Variants in SLCO2A1 observed in about 807,000 individuals in gnomAD.
SLCO2A1 encodes matrin F/G 1.
Under a neutral mutation model 71.7 loss-of-function variants are expected in SLCO2A1, and 60 were observed. That is an observed-to-expected ratio of 0.84 (90% CI 0.68 to 1.04). The LOEUF (loss-of-function observed/expected upper bound fraction) is 1.04. SLCO2A1 is among the 50% of genes least tolerant of loss of function. SLCO2A1 has a pLI of 0.00. For missense variants in SLCO2A1, 745 were observed against 813.4 expected (o/e 0.92, Z 1.02); for synonymous variants, 308 against 326.7 (o/e 0.94, Z 0.62).
rs528151888 is a variant in SLCO2A1 at position 133,998,486 on chromosome 3, C to G, written c.97-18868G>C. Among the ~76,000 whole-genome samples the G allele has an allele frequency of 5.3e-5, 8 of 151,040 alleles. No individual in the cohort carries two copies. The South Asian group carries it at 1.7e-3, about 31-fold the overall frequency. On this transcript the variant is annotated intron_variant, in intron 1 of 13. Coordinates refer to ENST00000310926, the MANE Select transcript of SLCO2A1 (RefSeq NM_005630.3). The stretch of plus-strand genomic sequence containing the variant: ...CATCCTCTTTTCTCATTCCCAGGCG[C>G]TCCTGTCCACACTGGCCTTTTGTCC...
chr3:133,947,685 T>TG (rs1351484582), intron 8 of SLCO2A1, among the ~76,000 whole-genome samples: 2 of 152,222 alleles, frequency 1.3e-5, no homozygotes, highest in African/African-American at 4.8e-5. Flanking sequence ...GTGGGGTTCT[T>TG]GCAGCTTAAG....
rs1933650948 is a variant in SLCO2A1, at chr3:133,948,666, G to A, written c.975C>T (p.Asn325=). The A allele has an allele frequency of 6.2e-7, 1 of 1,614,158 alleles. No individual in the cohort carries two copies. The highest frequency in any genetic ancestry group is 8.5e-7 in the Non-Finnish European group (1 of 1,179,992). Residue 325 remains asparagine, a synonymous_variant, in exon 8 of 14, where the codon AAC becomes AAT. Coordinates refer to ENST00000310926, the MANE Select transcript of SLCO2A1 (RefSeq NM_005630.3). The part of the protein sequence containing the change: ...FPCIFLRLLM[N]SLFVLVVLAQ... ...CCAGGACCACCAGGACGAAGAGTGAGTTCATCAGGAGCCTCAGAAAGATGC... is the reference window on the plus strand; with the variant it reads ...CCAGGACCACCAGGACGAAGAGTGAATTCATCAGGAGCCTCAGAAAGATGC...
At chr3:134,003,649 G>A (rs1935146506) in intron 1 of SLCO2A1, among the ~76,000 whole-genome samples, 1 of 152,164 alleles carries the variant, frequency 6.6e-6, no homozygotes, top group Non-Finnish European at 1.5e-5. Flanking sequence ...TGGAGCCCTT[G>A]GCCTGCTGCT....
rs1029744261 is a variant in SLCO2A1, at chr3:133,987,234, C to T, written c.97-7616G>A. ...TAAAATTTAACCTGAAAGACTGGTTCAGGTCTCGACAGGAAGTGGGGGTCA... is the reference window on the plus strand; with the variant it reads ...TAAAATTTAACCTGAAAGACTGGTTTAGGTCTCGACAGGAAGTGGGGGTCA... On this transcript the variant is annotated intron_variant, in intron 1 of 13. Transcript: ENST00000310926. Among the ~76,000 whole-genome samples, 6 of 145,734 alleles carry T rather than the reference C, an allele frequency of 4.1e-5. No individual in the cohort carries two copies. In the East Asian group the frequency reaches 1.1e-3, roughly 26 times the overall value.
intron 1 of SLCO2A1, among the ~76,000 whole-genome samples, chr3:134,021,812 T>C (rs1248507687): frequency 3.3e-5 from 4 of 120,194 alleles, no homozygotes; most frequent in Admixed American, 2.7e-4. Flanking sequence ...AAACCTATAA[T>C]TGATAATTGA....
rs1933182465 is a variant in SLCO2A1, at chr3:133,933,172, C to T, written c.*1541G>A. 1 of 152,178 alleles carries T rather than the reference C, an allele frequency of 6.6e-6. No homozygotes were observed. Among genetic ancestry groups the T allele is most frequent in the East Asian group, 1.9e-4 (1 of 5,196 alleles). 9.4% of individuals were successfully genotyped at this position (152,178 alleles called of 1,614,324 possible). ...GTCATGAATGGCCATGACCCATGCC[C>T]AGCTGTTCCAGAGGACATGGGGAGA... On this transcript the variant is annotated 3_prime_UTR_variant, in exon 14 of 14. Transcript: ENST00000310926.
Position 133,947,343 on chromosome 3 carries a change from G to T in SLCO2A1, c.1208C>A (p.Thr403Asn). 6.2e-7 allele frequency: 1 copy of T among 1,614,114 alleles called. No homozygotes were observed. Among genetic ancestry groups the T allele is most frequent in the Non-Finnish European group, 8.5e-7 (1 of 1,180,012 alleles). The change falls in exon 9 of 14, where the codon ACC becomes AAC. Residue 403 changes from threonine to asparagine, a missense_variant. By Grantham distance (65) the Thr-to-Asn change is moderately conservative. Transcript: ENST00000310926. ...AAGGATCATGGAGATGGTGATGATG[G>T]TGGTAGCTATGCGGGGAATGGCTTG... ...SLQAIPRIAT[T>N]IITISMILCV...
At chr3:134,021,235 C>T (rs1217986589) in intron 1 of SLCO2A1, among the ~76,000 whole-genome samples, 4 of 152,110 alleles carry the variant, frequency 2.6e-5, no homozygotes, top group South Asian at 4.2e-4. Flanking sequence ...AAGCATAGGT[C>T]AGGCACAAAT....
intron 3 of SLCO2A1, among the ~76,000 whole-genome samples, chr3:133,971,048 C>G (rs2108053894): frequency 6.6e-6 from 1 of 152,354 alleles, no homozygotes; most frequent in East Asian, 1.9e-4. Flanking sequence ...GCAAATGCCA[C>G]TGGCATGTGG....
At chr3:133,961,655 C>G (rs193041912) in intron 3 of SLCO2A1, among the ~76,000 whole-genome samples, 2 of 152,080 alleles carry the variant, frequency 1.3e-5, no homozygotes, top group African/African-American at 2.4e-5. Flanking sequence ...TTAAAAATGT[C>G]GGATTACATG....
intron 5 of SLCO2A1, among the ~76,000 whole-genome samples, chr3:133,952,813 G>T (rs960663204): frequency 6.6e-6 from 1 of 152,180 alleles, no homozygotes; most frequent in African/African-American, 2.4e-5. Context: ...GGCACAGAAA[G>T]ACAAAGTTAC....
At chr3:134,009,829 G>T (rs1935295502) in intron 1 of SLCO2A1, among the ~76,000 whole-genome samples, 1 of 152,232 alleles carries the variant, frequency 6.6e-6, no homozygotes, top group Non-Finnish European at 1.5e-5. Context: ...ACAGTCTGTG[G>T]TTTGTGGTGA....
intron 3 of SLCO2A1, among the ~76,000 whole-genome samples, chr3:133,966,618 T>C (rs1240300820): frequency 6.6e-6 from 1 of 152,228 alleles, no homozygotes; most frequent in Non-Finnish European, 1.5e-5. Flanking sequence ...TTTAGATTTC[T>C]GAGGCTCACA....
intron 1 of SLCO2A1, among the ~76,000 whole-genome samples, chr3:134,011,659 G>C (rs1183581769): frequency 1.3e-5 from 2 of 152,236 alleles, no homozygotes; most frequent in African/African-American, 4.8e-5. Context: ...GGACCCATAA[G>C]ACCCGTTCCC....
At position 133,951,207 on chromosome 3, in the gene SLCO2A1, C is replaced by T; in HGVS notation, c.861+1G>A. ...AGAGTCATGGGCTCTTGGAACCTTA[C>T]CTTTGCTCCTATGGGCATTGCTCGA... On this transcript the variant is annotated splice_donor_variant, in intron 6 of 13. Transcript: ENST00000310926. LOFTEE classifies it high-confidence loss of function. 2 of 1,614,080 alleles carry T rather than the reference C, an allele frequency of 1.2e-6. No homozygotes were observed. Among genetic ancestry groups the T allele is most frequent in the Non-Finnish European group, 1.7e-6 (2 of 1,180,010 alleles).
intron 9 of SLCO2A1, 54 bp downstream of exon 9, chr3:133,947,202 G>T: frequency 6.8e-7 from 1 of 1,468,510 alleles, no homozygotes; most frequent in Non-Finnish European, 9.4e-7. Context: ...ATAACAGCCA[G>T]ATCTAAGCCC....
At chr3:133,979,805 A>G (rs1934545650) in intron 1 of SLCO2A1, among the ~76,000 whole-genome samples, 187 bp from the exon 2 acceptor site, 1 of 151,888 alleles carries the variant, frequency 6.6e-6, no homozygotes, top group African/African-American at 2.4e-5. Context: ...TACAGGAAGC[A>G]CTCCTAAAGT....
At chr3:134,023,142 AAACAAACAAAC>A (rs1299741941) in intron 1 of SLCO2A1, among the ~76,000 whole-genome samples, 6 of 152,034 alleles carry the variant, frequency 3.9e-5, no homozygotes, top group African/African-American at 1.5e-4. Context: ...ACAAACAAAC[AAACAAACAAAC>A]AAAAGAATGG....
In SLCO2A1 at chr3:133,953,137, C is replaced by T. The variant is rs368518290; in HGVS notation, c.724+526G>A. On this transcript the variant is annotated intron_variant, in intron 5 of 13. Coordinates refer to ENST00000310926, the MANE Select transcript of SLCO2A1 (RefSeq NM_005630.3). ...CTGCAAGCTCTGCCTCCCAGGTTCACGCCATTCTTCTGCCTCAGCCTCCTA... is the reference window on the plus strand; with the variant it reads ...CTGCAAGCTCTGCCTCCCAGGTTCATGCCATTCTTCTGCCTCAGCCTCCTA... Among the ~76,000 whole-genome samples, 39 of 152,106 alleles carry T rather than the reference C, an allele frequency of 2.6e-4. 1 individual carries two copies. The highest frequency in any genetic ancestry group is 5.8e-4 in the African/African-American group (24 of 41,488).
Sources: allele counts gnomAD v4.1 joint callset (sites outside exome capture counted in the v4.1 genomes callset), GRCh38; gene constraint gnomAD v4.1.1; transcripts MANE v1.5; gene names NCBI Gene and HGNC (gene_info 2026-07-23, HGNC 2026-07-21).